AKR1B10: variants seen among roughly 807,000 people sequenced by gnomAD.
The protein encoded by AKR1B10 is ARP.
Under a neutral mutation model 38.9 loss-of-function variants are expected in AKR1B10, and 39 were observed. The observed-to-expected ratio is 1.00, with a 90% CI of 0.78 to 1.31. AKR1B10 has a LOEUF of 1.31. Ranked by LOEUF, AKR1B10 falls within the 50% of genes most tolerant of loss-of-function variation. The pLI, the probability that AKR1B10 is intolerant of heterozygous loss-of-function variation, is 0.00. For missense variants in AKR1B10, 361 were observed against 382.6 expected, an observed-to-expected ratio of 0.94 and a Z score of 0.47; for synonymous variants, 148 against 141.2, an observed-to-expected ratio of 1.05 and a Z score of -0.34.
At position 134,533,000 on chromosome 7, in the gene AKR1B10, A is replaced by C; in HGVS notation, c.352-4A>C. 6.3e-7 allele frequency: 1 copy of C among 1,599,606 alleles called. No homozygotes were observed. Among genetic ancestry groups the C allele is most frequent in the Non-Finnish European group, 8.5e-7 (1 of 1,174,914 alleles). ...CCAGTAAACTTTTCATTCTGTGTTC[A>C]CAGTCTGGGGATGACCTTTTCCCCA... On this transcript the variant is annotated splice_polypyrimidine_tract_variant and splice_region_variant and intron_variant, in intron 3 of 9. Coordinates refer to ENST00000359579, the MANE Select transcript of AKR1B10 (RefSeq NM_020299.5).
Position 134,530,528 on chromosome 7 carries a change from C to A in AKR1B10, c.67-115C>A, listed in dbSNP as rs986999086. 9 of 1,106,956 alleles carry A rather than the reference C, an allele frequency of 8.1e-6. No homozygotes were observed. The East Asian group carries it at 1.5e-4, about 18-fold the overall frequency. The allele number at this position is 1,106,956 out of a possible 1,614,324, so 68.6% of individuals were successfully genotyped here. On this transcript the variant is annotated intron_variant, in intron 1 of 9. Transcript: ENST00000359579. ...TGAGAGTGGTGTAATTCCAGCTACT[C>A]GGGAGGTGGGAGGGTTGCTTGAACC...
At chr7:134,528,004 T>G in intron 1 of AKR1B10, 27 bp downstream of exon 1, 1 of 1,612,310 alleles carries the variant, frequency 6.2e-7, no homozygotes, top group Non-Finnish European at 8.5e-7. Flanking sequence ...TTGCACACCC[T>G]TCTTCTCTGG....
At chr7:134,529,642 C>G (rs1807795584) in intron 1 of AKR1B10, among the ~76,000 whole-genome samples, 1 of 151,982 alleles carries the variant, frequency 6.6e-6, no homozygotes, top group Admixed American at 6.6e-5. Context: ...GTGTACTGTT[C>G]AATGTTTGTT....
Position 134,527,775 on chromosome 7 carries a change from G to T in AKR1B10, c.-137G>T. The stretch of plus-strand genomic sequence containing the variant: ...GCAGGAGAATTGCTTGAACCCAGGA[G>T]ACAGAGGTTGTAGTGAGCTGAGATC... On this transcript the variant is annotated 5_prime_UTR_variant, in exon 1 of 10. Coordinates refer to ENST00000359579, the MANE Select transcript of AKR1B10 (RefSeq NM_020299.5). The T allele has an allele frequency of 7.7e-7, 1 of 1,305,964 alleles. No individual in the cohort carries two copies. The highest frequency in any genetic ancestry group is 1.1e-6 in the Non-Finnish European group (1 of 947,496). The allele number at this position is 1,305,964 out of a possible 1,614,324, so 80.9% of individuals were successfully genotyped here.
chr7:134,533,042 T>C lies in AKR1B10; in HGVS notation c.390T>C (p.Asn130=). 1.9e-6 allele frequency: 3 copies of C among 1,601,234 alleles called. No individual in the cohort carries two copies. The highest frequency in any genetic ancestry group is 2.3e-5 in the South Asian group (2 of 88,046). ...TTTTCCCCAAAGATGATAAAGGTAA[T>C]GCCATCGGTGGAAAAGCAACGTTCT... ...DDLFPKDDKG[N]AIGGKATFLD... Residue 130 remains asparagine, a synonymous_variant, in exon 4 of 10, where the codon AAT becomes AAC. Transcript: ENST00000359579.
intron 1 of AKR1B10, among the ~76,000 whole-genome samples, chr7:134,529,002 T>C (rs1408591312): frequency 6.6e-6 from 1 of 152,160 alleles, no homozygotes; most frequent in Non-Finnish European, 1.5e-5. Flanking sequence ...TCTGTTAGGC[T>C]AAGTTTCAAG....
At position 134,530,557 on chromosome 7, in the gene AKR1B10, G is replaced by A. The variant is rs1807821217; in HGVS notation, c.67-86G>A. 7 of 1,475,286 alleles carry A rather than the reference G, an allele frequency of 4.7e-6. No homozygotes were observed. The African/African-American group carries it at 8.4e-5, about 18-fold the overall frequency. 91.4% of individuals were successfully genotyped at this position (1,475,286 alleles called of 1,614,324 possible). A position where few individuals can be genotyped will look rare whatever the true frequency, so the allele number is the denominator to read the frequency against. On this transcript the variant is annotated intron_variant, in intron 1 of 9. Coordinates refer to ENST00000359579, the MANE Select transcript of AKR1B10 (RefSeq NM_020299.5). ...AGGTGGGAGGGTTGCTTGAACCTGGGAGTGTGAGGCCAGCCTGGGCAACAC... is the reference window on the plus strand; with the variant it reads ...AGGTGGGAGGGTTGCTTGAACCTGGAAGTGTGAGGCCAGCCTGGGCAACAC...
intron 1 of AKR1B10, among the ~76,000 whole-genome samples, chr7:134,528,997 T>A (rs1453032397): frequency 2.0e-5 from 3 of 152,124 alleles, no homozygotes; most frequent in Admixed American, 2.0e-4. Flanking sequence ...GAGCCTCTGT[T>A]AGGCTAAGTT....
chr7:134,534,756 T>G (rs1223263676), intron 4 of AKR1B10, among the ~76,000 whole-genome samples: 6 of 152,222 alleles, frequency 3.9e-5, no homozygotes, highest in Non-Finnish European at 5.9e-5. Flanking sequence ...ACCTGACCTA[T>G]GTGCACAAAA....
chr7:134,528,232 C>T lies in AKR1B10; in HGVS notation c.66+255C>T, dbSNP rs1807745197. Among the ~76,000 whole-genome samples the T allele has an allele frequency of 2.0e-5, 3 of 152,230 alleles. No individual in the cohort carries two copies. In the South Asian group the frequency reaches 6.2e-4, roughly 32 times the overall value. ...TTTCAAGCAGCTGTTGGACTTAAAA[C>T]TGTTTTCCAGGGCAGTTTCTCTCTC... On this transcript the variant is annotated intron_variant, in intron 1 of 9. Coordinates refer to ENST00000359579, the MANE Select transcript of AKR1B10 (RefSeq NM_020299.5).
In AKR1B10 at chr7:134,533,062, C is replaced by T. The variant is rs767733590; in HGVS notation, c.410C>T (p.Thr137Met). The change falls in exon 4 of 10, where the codon ACG (threonine) becomes ATG (methionine). Residue 137 changes from threonine to methionine, a missense_variant. Transcript: ENST00000359579. ...GGTAATGCCATCGGTGGAAAAGCAACGTTCTTGGATGCCTGGGAGGTAGGT... is the reference window on the plus strand; with the variant it reads ...GGTAATGCCATCGGTGGAAAAGCAATGTTCTTGGATGCCTGGGAGGTAGGT... ...DKGNAIGGKA[T>M]FLDAWEAMEE... is the part of the protein sequence containing the mutation. The T allele has an allele frequency of 2.1e-5, 34 of 1,596,634 alleles. No individual in the cohort carries two copies. The African/African-American group carries it at 2.6e-4, about 12-fold the overall frequency.
chr7:134,536,376 T>C (rs926453406), intron 4 of AKR1B10, among the ~76,000 whole-genome samples: 4 of 152,250 alleles, frequency 2.6e-5, no homozygotes, highest in Non-Finnish European at 5.9e-5. Flanking sequence ...GAAGTTTAAT[T>C]TTTTATGTGT....
At chr7:134,534,309 A>G (rs1387472503) in intron 4 of AKR1B10, among the ~76,000 whole-genome samples, 1 of 151,976 alleles carries the variant, frequency 6.6e-6, no homozygotes, top group Admixed American at 6.6e-5. Flanking sequence ...TTTAGTAGAG[A>G]TGGGGTTTCA....
At chr7:134,530,858 A>G (rs1807835737) in intron 2 of AKR1B10, 48 bp downstream of exon 2, 1 of 1,570,684 alleles carries the variant, frequency 6.4e-7, no homozygotes. Context: ...GGCAGGCAGA[A>G]GTATCTGGGT....
rs1808087963 is a variant in AKR1B10, at chr7:134,539,222, T to C, written c.908+205T>C. 4 of 623,438 alleles carry C rather than the reference T, an allele frequency of 6.4e-6. No individual in the cohort carries two copies. In the East Asian group the frequency reaches 1.1e-4, roughly 17 times the overall value. 38.6% of individuals were successfully genotyped at this position (623,438 alleles called of 1,614,324 possible). ...GCTGCTCATTGTCTGAACTTCTGGA[T>C]GTAGAGCTAGAATCATAACAGAAGG... is the stretch of plus-strand genomic sequence containing the variant. On this transcript the variant is annotated intron_variant, in intron 9 of 9. Coordinates refer to ENST00000359579, the MANE Select transcript of AKR1B10 (RefSeq NM_020299.5).
chr7:134,530,845 C>T, intron 2 of AKR1B10, 35 bp downstream of exon 2: 1 of 1,582,188 alleles, frequency 6.3e-7, no homozygotes, highest in Non-Finnish European at 8.6e-7. Flanking sequence ...GCCTTCACTT[C>T]AAGGCAGGCA....
At chr7:134,540,086 T>C (rs540854184) in intron 9 of AKR1B10, among the ~76,000 whole-genome samples, 41 of 152,116 alleles carry the variant, frequency 2.7e-4, no homozygotes, top group East Asian at 1.9e-3. Context: ...GGCGTGGTGG[T>C]GGGCACCTGT....
Position 134,527,929 on chromosome 7 carries a change from G to T in AKR1B10, c.18G>T (p.Glu6Asp). Residue 6 changes from glutamate (E) to aspartate (D), a missense_variant, in exon 1 of 10, where the codon GAG becomes GAT. Physicochemically the swap from Glu to Asp is conservative, Grantham distance 45. Around this residue, in one of 3 missense-constraint regions of AKR1B10, gnomAD observed 220 missense variants for 216.1 expected, o/e 1.02. Coordinates refer to ENST00000359579, the MANE Select transcript of AKR1B10 (RefSeq NM_020299.5). MATFV[E>D]LSTKAKMPIV... ...CACCAACCATGGCCACGTTTGTGGAGCTCAGTACCAAAGCCAAGATGCCCA... is the reference window on the plus strand; with the variant it reads ...CACCAACCATGGCCACGTTTGTGGATCTCAGTACCAAAGCCAAGATGCCCA... 6.2e-7 allele frequency: 1 copy of T among 1,613,766 alleles called. No homozygotes were observed. Among genetic ancestry groups the T allele is most frequent in the Non-Finnish European group, 8.5e-7 (1 of 1,179,974 alleles).
chr7:134,530,646 C>T lies in AKR1B10; in HGVS notation c.70C>T (p.Pro24Ser), dbSNP rs771488063. 1.4e-5 allele frequency: 23 copies of T among 1,613,948 alleles called. No homozygotes were observed. The highest frequency in any genetic ancestry group is 4.5e-5 in the East Asian group (2 of 44,862). The change falls in exon 2 of 10, where the codon CCT becomes TCT. Residue 24 changes from proline to serine, a missense_variant. By Grantham distance (74) the Pro-to-Ser change is moderately conservative. This residue lies in a region of AKR1B10 where 220 missense variants were observed against 216.1 expected (regional missense o/e 1.02). Coordinates refer to ENST00000359579, the MANE Select transcript of AKR1B10 (RefSeq NM_020299.5). ...GAGCTTTTCTTTTGCCTTTCAGTCT[C>T]CTCTTGGCAAAGTGAAAGAAGCAGT... ...PIVGLGTWKSPLGKVKEAVKV... is the reference protein window; with the variant it reads ...PIVGLGTWKSSLGKVKEAVKV...
Sources: gnomAD v4.1 joint callset for allele counts (sites outside exome capture counted in the v4.1 genomes callset) on GRCh38, gnomAD v4.1.1 for gene constraint, gnomAD v4.1.1 regional missense constraint, MANE v1.5 for transcripts, NCBI Gene and HGNC (gene_info 2026-07-23, HGNC 2026-07-21) for gene names.